Variants in PPM1H observed in about 807,000 individuals in gnomAD.
The protein encoded by PPM1H is protein phosphatase 1H.
In PPM1H, 27 loss-of-function variants were observed where a neutral mutation model predicts 54.9. The ratio of observed to expected loss-of-function variants is 0.49; its 90% CI spans 0.36 to 0.68. The LOEUF is 0.68. Among genes scored for constraint, PPM1H ranks in the 30% least tolerant of loss-of-function variants. The pLI is 0.00. For missense variants in PPM1H, 596 were observed against 667.8 expected (o/e 0.89, Z 1.19); for synonymous variants, 305 against 270.8 (o/e 1.13, Z -1.24).
intron 2 of PPM1H, among the ~76,000 whole-genome samples, chr12:62,821,086 T>C (rs1370342233): frequency 6.6e-6 from 1 of 152,180 alleles, no homozygotes; most frequent in Non-Finnish European, 1.5e-5. Flanking sequence ...AATGACCTGA[T>C]GGAGCTGAAA....
chr12:62,876,267 C>G (rs1870165279), intron 1 of PPM1H, among the ~76,000 whole-genome samples: 1 of 152,116 alleles, frequency 6.6e-6, no homozygotes, highest in Non-Finnish European at 1.5e-5. Flanking sequence ...ATCAGAAAGA[C>G]AAAACAAAAC....
intron 2 of PPM1H, among the ~76,000 whole-genome samples, chr12:62,806,025 G>T (rs1394134760): frequency 6.6e-6 from 1 of 152,184 alleles, no homozygotes. Context: ...TTGAAAAAAT[G>T]TAACTAGAGG....
chr12:62,648,995 CT>C (rs1363176458), intron 9 of PPM1H, among the ~76,000 whole-genome samples: 2 of 152,040 alleles, frequency 1.3e-5, no homozygotes, highest in African/African-American at 4.8e-5. Flanking sequence ...TGGTATCTAG[CT>C]TAAAAAGTAC....
intron 1 of PPM1H, among the ~76,000 whole-genome samples, chr12:62,912,791 A>G (rs1025538287): frequency 5.9e-5 from 9 of 152,190 alleles, no homozygotes; most frequent in Admixed American, 4.6e-4. Context: ...TTATTAACAG[A>G]CTGACGTAGC....
intron 4 of PPM1H, chr12:62,756,038 G>A (rs1192646783): frequency 2.9e-6 from 4 of 1,374,986 alleles, no homozygotes; most frequent in Non-Finnish European, 4.1e-6. Context: ...ACCCCCTCAA[G>A]GGCATCCTGG....
chr12:62,849,118 G>GTT (rs1565808784), intron 1 of PPM1H, among the ~76,000 whole-genome samples: 1 of 152,156 alleles, frequency 6.6e-6, no homozygotes, highest in East Asian at 1.9e-4. Flanking sequence ...CAGGAAGCTT[G>GTT]TTTCCCAAGG....
intron 2 of PPM1H, among the ~76,000 whole-genome samples, chr12:62,813,351 T>TGAAAAACAATC (rs71878925): frequency 0.16 from 24,090 of 152,038 alleles, 2,742 homozygotes; most frequent in African/African-American, 0.33. Flanking sequence ...GAGGGGGAAT[T>TGAAAAACAATC]GGTCGGCGTG....
chr12:62,767,872 C>G (rs2076553516), intron 4 of PPM1H, among the ~76,000 whole-genome samples: 1 of 152,174 alleles, frequency 6.6e-6, no homozygotes, highest in Non-Finnish European at 1.5e-5. Context: ...TAACCCGTCT[C>G]TACCTCCATT....
chr12:62,817,471 C>T (rs551280911), intron 2 of PPM1H, among the ~76,000 whole-genome samples: 2 of 127,900 alleles, frequency 1.6e-5, no homozygotes, highest in Admixed American at 7.9e-5. Flanking sequence ...CAAAAAAAAA[C>T]AAACAAACAA....
At chr12:62,732,348 A>T (rs894161515) in intron 5 of PPM1H, among the ~76,000 whole-genome samples, 1 of 152,228 alleles carries the variant, frequency 6.6e-6, no homozygotes, top group Admixed American at 6.5e-5. Context: ...ATCATCTTGT[A>T]ATCTGCTTCC....
intron 8 of PPM1H, among the ~76,000 whole-genome samples, chr12:62,671,535 C>G (rs953704750): frequency 6.6e-6 from 1 of 152,258 alleles, no homozygotes; most frequent in African/African-American, 2.4e-5. Context: ...ACTGACAAAG[C>G]CTCTCACAAC....
intron 2 of PPM1H, among the ~76,000 whole-genome samples, chr12:62,803,890 T>C (rs1165038307): frequency 2.0e-5 from 3 of 151,970 alleles, no homozygotes; most frequent in Non-Finnish European, 4.4e-5. Context: ...GATGAAAAAA[T>C]GGGCAAAGGG....
At position 62,885,685 on chromosome 12, in the gene PPM1H, A is replaced by G. The variant is rs141235831; in HGVS notation, c.245+48807T>C. On this transcript the variant is annotated intron_variant, in intron 1 of 9. Transcript: ENST00000228705. ...TCAATTTCTTAGTTTTGATCATTATACTATGTTTATGTAAGACGTTAACAA... is the reference window on the plus strand; with the variant it reads ...TCAATTTCTTAGTTTTGATCATTATGCTATGTTTATGTAAGACGTTAACAA... Among the ~76,000 whole-genome samples, 604 of 152,306 alleles carry G rather than the reference A, an allele frequency of 4.0e-3. 2 individuals are homozygous for G. The highest frequency in any genetic ancestry group is 0.013 in the African/African-American group (559 of 41,568).
At chr12:62,764,590 T>G (rs1353435286) in intron 4 of PPM1H, among the ~76,000 whole-genome samples, 1 of 151,868 alleles carries the variant, frequency 6.6e-6, no homozygotes, top group Non-Finnish European at 1.5e-5. Context: ...CCTTTCTTCC[T>G]CTCCCATTTT....
intron 1 of PPM1H, among the ~76,000 whole-genome samples, chr12:62,838,164 A>G (rs1370616327): frequency 1.3e-5 from 2 of 152,230 alleles, no homozygotes; most frequent in Admixed American, 1.3e-4. Flanking sequence ...TTTGTTTTCA[A>G]GGAAATATCA....
chr12:62,713,413 G>T (rs2076218191), intron 6 of PPM1H, among the ~76,000 whole-genome samples: 1 of 152,118 alleles, frequency 6.6e-6, no homozygotes, highest in Admixed American at 6.6e-5. Context: ...TTGAGGAGGG[G>T]AGGTGCGCTA....
At chr12:62,756,460 A>T (rs1019569392) in intron 4 of PPM1H, among the ~76,000 whole-genome samples, 1 of 152,182 alleles carries the variant, frequency 6.6e-6, no homozygotes, top group Non-Finnish European at 1.5e-5. Flanking sequence ...TACATAAGTA[A>T]CATATACTGC....
chr12:62,683,033 T>TTTTTTTTTATTA (rs1491110813), intron 8 of PPM1H, among the ~76,000 whole-genome samples: 38 of 133,666 alleles, frequency 2.8e-4, no homozygotes, highest in South Asian at 4.8e-4. Flanking sequence ...GAGTTTATTA[T>TTTTTTTTTATTA]TTATTATTAT....
At chr12:62,772,108 T>C (rs2076582914) in intron 4 of PPM1H, among the ~76,000 whole-genome samples, 1 of 152,254 alleles carries the variant, frequency 6.6e-6, no homozygotes, top group South Asian at 2.1e-4. Flanking sequence ...CCTATACTTT[T>C]GGTGAACCCC....
Sources: gnomAD v4.1 joint callset for allele counts (sites outside exome capture counted in the v4.1 genomes callset) on GRCh38, gnomAD v4.1.1 for gene constraint, MANE v1.5 for transcripts, NCBI Gene and HGNC (gene_info 2026-07-23, HGNC 2026-07-21) for gene names.